PLEKHG1: variants seen among roughly 807,000 people sequenced by gnomAD.
PLEKHG1 encodes pleckstrin homology and RhoGEF domain containing G1, also known as pleckstrin homology domain-containing family G member 1.
Under a neutral mutation model 100.8 loss-of-function variants are expected in PLEKHG1, and 44 were observed. The observed-to-expected ratio is 0.44, with a 90% confidence interval of 0.34 to 0.56. PLEKHG1 has a LOEUF of 0.56. PLEKHG1 is among the 20% of genes least tolerant of loss of function. The pLI is 0.01. For missense variants in PLEKHG1, 1,545 were observed against 1,720.9 expected (o/e 0.90, Z 1.81); for synonymous variants, 640 against 662.5 (o/e 0.97, Z 0.52).
chr6:150,627,299 ATATACT>A (rs1226125976), intron 1 of PLEKHG1, among the ~76,000 whole-genome samples: 3 of 152,322 alleles, frequency 2.0e-5, no homozygotes, highest in Admixed American at 1.3e-4. Flanking sequence ...TATTCTTAAA[ATATACT>A]TATGAGTGAC....
At chr6:150,619,810 G>T (rs1162170797) in intron 1 of PLEKHG1, among the ~76,000 whole-genome samples, 1 of 152,184 alleles carries the variant, frequency 6.6e-6, no homozygotes, top group Non-Finnish European at 1.5e-5. Context: ...CAGGGCTTAG[G>T]ATAGCGCTAC....
chr6:150,816,788 G>A (rs1374587916), intron 10 of PLEKHG1, among the ~76,000 whole-genome samples: 1 of 152,124 alleles, frequency 6.6e-6, no homozygotes, highest in Non-Finnish European at 1.5e-5. Flanking sequence ...TGGTCTCTGT[G>A]CAGTCAAACC....
chr6:150,826,389 T>C (rs367870576), intron 14 of PLEKHG1, among the ~76,000 whole-genome samples: 1 of 151,652 alleles, frequency 6.6e-6, no homozygotes, highest in Non-Finnish European at 1.5e-5. Flanking sequence ...ACCCGGGAGG[T>C]TGAGGTTGCA....
At chr6:150,602,493 A>G (rs1776396032) in intron 1 of PLEKHG1, among the ~76,000 whole-genome samples, 1 of 152,228 alleles carries the variant, frequency 6.6e-6, no homozygotes, top group South Asian at 2.1e-4. Flanking sequence ...TTACTTAGAT[A>G]TGGATTATTT....
At chr6:150,691,604 A>G (rs776092991) in intron 3 of PLEKHG1, among the ~76,000 whole-genome samples, 4 of 152,194 alleles carry the variant, frequency 2.6e-5, no homozygotes, top group Admixed American at 6.5e-5. Context: ...CTCATTTCTT[A>G]ATGACAGCCT....
chr6:150,630,051 A>T (rs371518188), intron 1 of PLEKHG1, among the ~76,000 whole-genome samples: 5 of 152,316 alleles, frequency 3.3e-5, no homozygotes, highest in African/African-American at 1.2e-4. Context: ...ACAGGGGATT[A>T]CTGGTGATGC....
At chr6:150,675,320 A>G (rs1339118957) in intron 3 of PLEKHG1, among the ~76,000 whole-genome samples, 3 of 152,354 alleles carry the variant, frequency 2.0e-5, no homozygotes, top group South Asian at 4.1e-4. Context: ...CACGCGGCTC[A>G]TAAGTGGCAG....
chr6:150,747,360 C>CCAGTTACAGA (rs768164685), intron 2 of PLEKHG1, among the ~76,000 whole-genome samples: 7 of 152,168 alleles, frequency 4.6e-5, no homozygotes, highest in Non-Finnish European at 8.8e-5. Flanking sequence ...GTGTGACAGT[C>CCAGTTACAGA]CAGGCAGCCC....
intron 3 of PLEKHG1, among the ~76,000 whole-genome samples, chr6:150,782,242 A>G (rs553749938): frequency 6.6e-6 from 1 of 151,306 alleles, no homozygotes; most frequent in Non-Finnish European, 1.5e-5. Context: ...ACATGGTGAA[A>G]CCCTGTCTCT....
At chr6:150,616,865 G>A (rs1392539067) in intron 1 of PLEKHG1, among the ~76,000 whole-genome samples, 2 of 150,836 alleles carry the variant, frequency 1.3e-5, no homozygotes, top group Non-Finnish European at 2.9e-5. Context: ...GACTGAATTT[G>A]TTAAAGAAAT....
chr6:150,735,596 T>C (rs1339012883), intron 2 of PLEKHG1, among the ~76,000 whole-genome samples: 2 of 152,214 alleles, frequency 1.3e-5, no homozygotes, highest in Non-Finnish European at 2.9e-5. Flanking sequence ...CGAAACAATA[T>C]GTGGTACCAA....
intron 3 of PLEKHG1, among the ~76,000 whole-genome samples, chr6:150,655,291 C>G (rs1049831611): frequency 6.6e-6 from 1 of 152,134 alleles, no homozygotes; most frequent in Non-Finnish European, 1.5e-5. Flanking sequence ...GGTATATACC[C>G]AAAGGATTAT....
At chr6:150,659,531 A>T (rs371249320) in intron 3 of PLEKHG1, among the ~76,000 whole-genome samples, 1 of 152,346 alleles carries the variant, frequency 6.6e-6, no homozygotes, top group South Asian at 2.1e-4. Context: ...ATATCAGAGC[A>T]TATGTATACA....
At chr6:150,659,133 TTC>T (rs144788557) in intron 3 of PLEKHG1, among the ~76,000 whole-genome samples, 62 of 147,692 alleles carry the variant, frequency 4.2e-4, no homozygotes, top group Admixed American at 6.2e-4. Flanking sequence ...TGGGACTGGG[TTC>T]TCTCTCTCTC....
At chr6:150,822,746 G>A (rs555309984) in intron 13 of PLEKHG1, among the ~76,000 whole-genome samples, 3 of 152,332 alleles carry the variant, frequency 2.0e-5, no homozygotes, top group South Asian at 2.1e-4. Flanking sequence ...TTGGGAGGCC[G>A]AGGAGGGTGG....
At chr6:150,773,311 A>C (rs1210107482) in intron 3 of PLEKHG1, among the ~76,000 whole-genome samples, 1 of 152,130 alleles carries the variant, frequency 6.6e-6, no homozygotes, top group African/African-American at 2.4e-5. Flanking sequence ...AGGCAGGTGG[A>C]TCACCTGAGG....
Position 150,654,971 on chromosome 6 carries a change from G to A in PLEKHG1, c.-99+4185G>A, listed in dbSNP as rs569866541. Among the ~76,000 whole-genome samples, 4 of 152,314 alleles carry A rather than the reference G, an allele frequency of 2.6e-5. No homozygotes were observed. The East Asian group carries it at 7.7e-4, about 29-fold the overall frequency. On this transcript the variant is annotated intron_variant, in intron 3 of 3. Transcript: ENST00000367326. ...AGATTCTTCCATTGCAAAACCTCCT[G>A]ATTATTGCCTGGCTTGGTGGTGTTA...
intron 1 of PLEKHG1, among the ~76,000 whole-genome samples, chr6:150,634,595 A>G (rs1485516211): frequency 1.3e-5 from 2 of 152,262 alleles, no homozygotes; most frequent in African/African-American, 4.8e-5. Context: ...ATAAACATCT[A>G]AAATATTTCA....
chr6:150,615,957 A>G (rs1194044310), intron 1 of PLEKHG1, among the ~76,000 whole-genome samples: 1 of 152,234 alleles, frequency 6.6e-6, no homozygotes, highest in Non-Finnish European at 1.5e-5. Flanking sequence ...CATGCTCACA[A>G]GAACTTTGAA....
Sources: gnomAD v4.1 joint callset for allele counts (sites outside exome capture counted in the v4.1 genomes callset) on GRCh38, gnomAD v4.1.1 for gene constraint, MANE v1.5 for transcripts, NCBI Gene and HGNC (gene_info 2026-07-23, HGNC 2026-07-21) for gene names.